SCN3B: variants seen among roughly 807,000 people sequenced by gnomAD.
SCN3B encodes the protein sodium voltage-gated channel beta subunit 3.
Under a neutral mutation model 25.4 loss-of-function variants are expected in SCN3B, and 11 were observed. The observed-to-expected ratio is 0.43, with a 90% CI of 0.27 to 0.72. The LOEUF is 0.72. Ranked by LOEUF, SCN3B falls within the 30% of genes least tolerant of loss-of-function variation. The pLI is 0.18. For missense variants in SCN3B, 218 were observed against 278.3 expected (o/e 0.78, Z 1.54); for synonymous variants, 109 against 110.7 (o/e 0.99, Z 0.09).
chr11:123,650,669 T>G (rs551185916), intron 2 of SCN3B, among the ~76,000 whole-genome samples: 16 of 152,092 alleles, frequency 1.1e-4, no homozygotes, highest in Non-Finnish European at 1.9e-4. Flanking sequence ...GGAGGACAGG[T>G]GCCCTCCTGG....
chr11:123,649,789 C>T (rs187874696), intron 2 of SCN3B, among the ~76,000 whole-genome samples: 3 of 151,972 alleles, frequency 2.0e-5, no homozygotes, highest in East Asian at 1.9e-4. Flanking sequence ...CTGCAACCTC[C>T]GCCTCCTGGG....
rs1298189439 is a variant in SCN3B, at chr11:123,642,961, A to T, written c.220-290T>A. Among the ~76,000 whole-genome samples, 4 of 152,134 alleles carry T rather than the reference A, an allele frequency of 2.6e-5. No homozygotes were observed. Among genetic ancestry groups the T allele is most frequent in the Non-Finnish European group, 5.9e-5 (4 of 68,016 alleles). ...GCGTGTAGGAAGAAGCTTGGCAGAAAAAAAGGGGTGGAAAGAGGGAGAACA... is the reference window on the plus strand; with the variant it reads ...GCGTGTAGGAAGAAGCTTGGCAGAATAAAAGGGGTGGAAAGAGGGAGAACA... On this transcript the variant is annotated intron_variant, in intron 3 of 6. Coordinates refer to ENST00000299333, the MANE Select transcript of SCN3B (RefSeq NM_001040151.2). The surrounding 1 kb of genome is among the most constrained non-coding windows in gnomAD (Gnocchi z 4.3).
intron 3 of SCN3B, among the ~76,000 whole-genome samples, chr11:123,643,685 AT>A (rs891316899): frequency 1.3e-5 from 2 of 152,004 alleles, no homozygotes; most frequent in African/African-American, 4.8e-5. Context: ...TTTATTTTTC[AT>A]TTTCTTCTTC....
chr11:123,637,440 A>G (rs1955741571), intron 5 of SCN3B, among the ~76,000 whole-genome samples: 1 of 152,102 alleles, frequency 6.6e-6, no homozygotes, highest in African/African-American at 2.4e-5. Flanking sequence ...TCCTCTTACC[A>G]TCTGTGTGCC....
At chr11:123,647,954 A>G (rs1026053251) in intron 2 of SCN3B, among the ~76,000 whole-genome samples, 8 of 152,206 alleles carry the variant, frequency 5.3e-5, no homozygotes, top group South Asian at 2.1e-4. Context: ...GTTAATGGAG[A>G]GAGGACTCAC....
rs1197089959 is a variant in SCN3B at position 123,633,120 on chromosome 11, C to T, written c.*679G>A. On this transcript the variant is annotated 3_prime_UTR_variant, in exon 7 of 7. Coordinates refer to ENST00000299333, the MANE Select transcript of SCN3B (RefSeq NM_001040151.2). ...AGAGCCACTTAAATTACCATTGGTC[C>T]TTCCCAAGTCTCCTGTCCTTGTCTT... 1 of 152,202 alleles carries T rather than the reference C, an allele frequency of 6.6e-6. No homozygotes were observed. 9.4% of individuals were successfully genotyped at this position (152,202 alleles called of 1,614,324 possible). A position where few individuals can be genotyped will look rare whatever the true frequency, so the allele number is the denominator to read the frequency against.
At chr11:123,644,800 A>AGAGAGAGAGAGAGAGAG (rs1272015067) in intron 3 of SCN3B, among the ~76,000 whole-genome samples, 6 of 45,584 alleles carry the variant, frequency 1.3e-4, no homozygotes, top group African/African-American at 4.7e-4. Flanking sequence ...AGAGAGAGAG[A>AGAGAGAGAGAGAGAGAG]ATATATATAT....
chr11:123,653,516 G>A (rs748312330), intron 2 of SCN3B, among the ~76,000 whole-genome samples: 5 of 152,084 alleles, frequency 3.3e-5, no homozygotes, highest in Non-Finnish European at 5.9e-5. Context: ...GAGGAAGGGC[G>A]GAAGAACCAC....
chr11:123,653,101 T>A (rs3851099), intron 2 of SCN3B, among the ~76,000 whole-genome samples: 21,613 of 150,946 alleles, frequency 0.14, 1,664 homozygotes, highest in Admixed American at 0.21. Context: ...TCTCCTCCCC[T>A]AACACCAAAG....
At position 123,630,913 on chromosome 11, in the gene SCN3B, T is replaced by G. The variant is rs1230429292; in HGVS notation, c.*2886A>C. 1 of 151,784 alleles carries G rather than the reference T, an allele frequency of 6.6e-6. No individual in the cohort carries two copies. The highest frequency in any genetic ancestry group is 1.5e-5 in the Non-Finnish European group (1 of 67,936). 9.4% of individuals were successfully genotyped at this position (151,784 alleles called of 1,614,324 possible). The stretch of plus-strand genomic sequence containing the variant: ...AGTGGAAAGAGAACTGAAAGAGGAG[T>G]CAGAAGACCTGGATTCTTGCTGTCT... On this transcript the variant is annotated 3_prime_UTR_variant, in exon 7 of 7. Transcript: ENST00000299333.
chr11:123,642,612 C>T lies in SCN3B; in HGVS notation c.279G>A (p.Gln93=). ...EVESPFQGRL[Q]WNGSKDLQDV... Reference sequence around the variant, plus strand: ...CCTGCAGGTCCTTGCTGCCATTCCACTGCAGGCGCCCCTGAAAGGGGCTCT... The same window carrying T: ...CCTGCAGGTCCTTGCTGCCATTCCATTGCAGGCGCCCCTGAAAGGGGCTCT... Residue 93 remains glutamine (Q), a synonymous_variant, in exon 4 of 7, where the codon CAG becomes CAA. Coordinates refer to ENST00000299333, the MANE Select transcript of SCN3B (RefSeq NM_001040151.2). The surrounding 1 kb of genome is among the most constrained non-coding windows in gnomAD (Gnocchi z 4.3). 6.2e-7 allele frequency: 1 copy of T among 1,614,216 alleles called. No individual in the cohort carries two copies. Among genetic ancestry groups the T allele is most frequent in the Non-Finnish European group, 8.5e-7 (1 of 1,180,048 alleles).
intron 2 of SCN3B, among the ~76,000 whole-genome samples, chr11:123,646,092 A>G (rs1399072946): frequency 6.6e-6 from 1 of 151,906 alleles, no homozygotes; most frequent in Non-Finnish European, 1.5e-5. Flanking sequence ...CTACCCAGCA[A>G]CCATCCATCC....
At chr11:123,638,393 T>A in intron 4 of SCN3B, 69 bp from the exon 5 acceptor site, 1 of 1,594,934 alleles carries the variant, frequency 6.3e-7, no homozygotes, top group Non-Finnish European at 8.6e-7. Context: ...TGGAGCCATA[T>A]TTTTAAGTAC....
rs200730199 is a variant in SCN3B, at chr11:123,653,846, C to T, written c.-25-20G>A. On this transcript the variant is annotated intron_variant, in intron 1 of 6. Coordinates refer to ENST00000299333, the MANE Select transcript of SCN3B (RefSeq NM_001040151.2). ...CCAAGGCTACACAGAGAGATTCCCT[C>T]GGTCAAGGACTGCGCCCTCTCAGAT... is the stretch of plus-strand genomic sequence containing the variant. 2.2e-5 allele frequency: 36 copies of T among 1,600,842 alleles called. No homozygotes were observed. Among genetic ancestry groups the T allele is most frequent in the Non-Finnish European group, 3.1e-5 (36 of 1,167,922 alleles).
chr11:123,644,419 C>T (rs1261012559), intron 3 of SCN3B, among the ~76,000 whole-genome samples: 3 of 152,254 alleles, frequency 2.0e-5, no homozygotes, highest in East Asian at 3.9e-4. Flanking sequence ...ACCCAGGTGG[C>T]CTGGCTCCAC....
chr11:123,645,378 A>T (rs1307334488), intron 3 of SCN3B, among the ~76,000 whole-genome samples: 1 of 152,128 alleles, frequency 6.6e-6, no homozygotes, highest in Non-Finnish European at 1.5e-5. Flanking sequence ...CCAGCCCATA[A>T]TCAAGGGTGC....
intron 3 of SCN3B, among the ~76,000 whole-genome samples, chr11:123,643,945 G>A (rs529853021): frequency 6.6e-5 from 10 of 152,356 alleles, no homozygotes; most frequent in Non-Finnish European, 1.5e-4. Flanking sequence ...CATCAGAATG[G>A]CACATAGAAG....
chr11:123,650,222 G>T (rs968486403), intron 2 of SCN3B, among the ~76,000 whole-genome samples: 21 of 152,238 alleles, frequency 1.4e-4, no homozygotes, highest in African/African-American at 5.1e-4. Flanking sequence ...TATTTCACTA[G>T]GGAGTAGTAG....
chr11:123,654,236 CCCAGGATCGGT>C lies in SCN3B; in HGVS notation c.-47_-37del, dbSNP rs536853277. On this transcript the variant is annotated 5_prime_UTR_variant, in exon 1 of 7. Coordinates refer to ENST00000299333, the MANE Select transcript of SCN3B (RefSeq NM_001040151.2). ...TCCAGGTTGATTCACCTCTCGCCTCCCCAGGATCGGTTGCGTTCCGACTGGAATCCTCCCAG... is the reference window on the plus strand; with the variant it reads ...TCCAGGTTGATTCACCTCTCGCCTCCTGCGTTCCGACTGGAATCCTCCCAG... 9.0e-6 allele frequency: 2 copies of C among 221,182 alleles called. No homozygotes were observed. Among genetic ancestry groups the C allele is most frequent in the South Asian group, 1.4e-4 (2 of 14,550 alleles). The allele number at this position is 221,182 out of a possible 1,614,324, so 13.7% of individuals were successfully genotyped here.
Sources: gnomAD v4.1 joint callset for allele counts (sites outside exome capture counted in the v4.1 genomes callset) on GRCh38, gnomAD v4.1.1 for gene constraint, Gnocchi (gnomAD v3.1) non-coding constraint, MANE v1.5 for transcripts, NCBI Gene and HGNC (gene_info 2026-07-23, HGNC 2026-07-21) for gene names.